P4HA3: variants seen among roughly 807,000 people sequenced by gnomAD.
The protein encoded by P4HA3 is prolyl 4-hydroxylase subunit alpha-3.
P4HA3 carries 60 observed loss-of-function variants against 66.7 expected under a neutral mutation model. The ratio of observed to expected loss-of-function variants is 0.90; its 90% CI spans 0.73 to 1.12. The LOEUF is 1.12. Among genes scored for constraint, P4HA3 ranks in the 50% most tolerant of loss-of-function variants. The pLI, the probability that P4HA3 is intolerant of heterozygous loss-of-function variation, is 0.00. For synonymous variants in P4HA3, 263 were observed against 274.6 expected (o/e 0.96, Z 0.42); for missense variants, 683 against 685.8 (o/e 1.00, Z 0.05).
intron 4 of P4HA3, among the ~76,000 whole-genome samples, chr11:74,294,571 G>C (rs1861149437): frequency 6.6e-6 from 1 of 152,102 alleles, no homozygotes; most frequent in African/African-American, 2.4e-5. Context: ...CCCCATCTTT[G>C]TGGTTTTATC....
Position 74,304,429 on chromosome 11 carries a change from G to C in P4HA3, c.201-17C>G, listed in dbSNP as rs764465743. On this transcript the variant is annotated splice_polypyrimidine_tract_variant and intron_variant, in intron 1 of 12. Coordinates refer to ENST00000331597, the MANE Select transcript of P4HA3 (RefSeq NM_182904.5). ...TCGTAGAATCTGAAAGAAAGGAGTA[G>C]AATGATCTCACCTCCTGATACAACC... The C allele has an allele frequency of 2.1e-5, 34 of 1,613,700 alleles. No individual in the cohort carries two copies. In the South Asian group the frequency reaches 3.3e-4, roughly 16 times the overall value.
Position 74,273,594 on chromosome 11 carries a change from G to T in P4HA3, c.1349C>A (p.Pro450His). ...GTTTCCTGACTTCATTCTGTAGAGG[G>T]GGCTGCTTGGTGACTGAGAAAAAAA... Reference protein sequence around the residue: ...HFDHATSPSSPLYRMKSGNRV... With the variant: ...HFDHATSPSSHLYRMKSGNRV... Residue 450 changes from proline (P) to histidine (H), a missense_variant, in exon 10 of 13, where the codon CCC becomes CAC. By Grantham distance (77) the Pro-to-His change is moderately conservative (BLOSUM62 -2). Coordinates refer to ENST00000331597, the MANE Select transcript of P4HA3 (RefSeq NM_182904.5). 1 of 1,562,804 alleles carries T rather than the reference G, an allele frequency of 6.4e-7. No homozygotes were observed. The highest frequency in any genetic ancestry group is 8.6e-7 in the Non-Finnish European group (1 of 1,159,678).
At chr11:74,257,372 G>A (rs1277306752) in intron 15 of P4HA3, among the ~76,000 whole-genome samples, 4 of 152,106 alleles carry the variant, frequency 2.6e-5, no homozygotes, top group African/African-American at 4.8e-5. Context: ...TGATCTGCCC[G>A]CCTCAGCTTC....
At chr11:74,286,202 CT>C in intron 6 of P4HA3, 25 bp downstream of exon 6, 1 of 1,607,234 alleles carries the variant, frequency 6.2e-7, no homozygotes, top group South Asian at 1.1e-5. Context: ...GCCTCTCCCC[CT>C]TTCTCTTTCC....
intron 9 of P4HA3, among the ~76,000 whole-genome samples, chr11:74,274,678 A>AT (rs1252419718): frequency 6.6e-6 from 1 of 152,000 alleles, no homozygotes; most frequent in African/African-American, 2.4e-5. Flanking sequence ...GTAGAGACAT[A>AT]TTTTCTTTTT....
intron 9 of P4HA3, among the ~76,000 whole-genome samples, chr11:74,274,303 T>TG (rs1294406410): frequency 6.7e-6 from 1 of 148,768 alleles, no homozygotes; most frequent in Non-Finnish European, 1.5e-5. Flanking sequence ...GTTTTTTTTT[T>TG]GTTTTTTTTT....
At chr11:74,295,068 C>T (rs1861170760) in intron 4 of P4HA3, among the ~76,000 whole-genome samples, 1 of 152,182 alleles carries the variant, frequency 6.6e-6, no homozygotes, top group Non-Finnish European at 1.5e-5. Context: ...GCTCCTCCCC[C>T]CGTGCCCTCA....
chr11:74,287,310 A>C (rs1392590391), intron 5 of P4HA3: 2 of 1,289,212 alleles, frequency 1.6e-6, no homozygotes, highest in African/African-American at 3.0e-5. Context: ...GGAGGAAAGG[A>C]AGGGGCAGAA....
intron 8 of P4HA3, among the ~76,000 whole-genome samples, chr11:74,278,855 T>G (rs1356504016): frequency 6.6e-6 from 1 of 151,582 alleles, no homozygotes; most frequent in African/African-American, 2.4e-5. Flanking sequence ...CTGACGTCAC[T>G]GTCTCACATG....
chr11:74,305,527 T>A (rs1215681715), intron 1 of P4HA3, among the ~76,000 whole-genome samples: 2 of 152,132 alleles, frequency 1.3e-5, no homozygotes, highest in Admixed American at 6.5e-5. Context: ...CAGCTGATTA[T>A]GCTATATGGT....
At chr11:74,269,553 C>A in intron 11 of P4HA3, 99 bp downstream of exon 11, 1 of 1,289,938 alleles carries the variant, frequency 7.8e-7, no homozygotes, top group Non-Finnish European at 1.1e-6. Context: ...TTTTGGCCCT[C>A]CTCCCAGGAA....
intron 4 of P4HA3, among the ~76,000 whole-genome samples, chr11:74,296,346 T>C (rs1861211570): frequency 6.6e-6 from 1 of 152,220 alleles, no homozygotes; most frequent in Admixed American, 6.5e-5. Flanking sequence ...TCTCTCATTA[T>C]TAGCAGTTAT....
rs372562058 is a variant in P4HA3 at position 74,271,027 on chromosome 11, C to T, written c.1399-1307G>A. 4.7e-4 allele frequency among the ~76,000 whole-genome samples: 71 copies of T among 152,300 alleles called. 2 individuals carry two copies. In the South Asian group the frequency reaches 0.013, roughly 28 times the overall value. On this transcript the variant is annotated intron_variant, in intron 10 of 12. Coordinates refer to ENST00000331597, the MANE Select transcript of P4HA3 (RefSeq NM_182904.5). ...TCAGCAGTTGCATCACACAAGAGTG[C>T]CAGTTTTACCTCACGCTGCCTAGCA...
chr11:74,262,182 C>T (rs75996434), downstream of P4HA3, among the ~76,000 whole-genome samples: 563 of 152,260 alleles, frequency 3.7e-3, 4 homozygotes, highest in African/African-American at 0.013. Context: ...ACTGTCACCA[C>T]GCAGGCATCT....
At chr11:74,262,665 C>T (rs575611220), downstream of P4HA3, among the ~76,000 whole-genome samples, 63 of 152,312 alleles carry the variant, frequency 4.1e-4, 1 homozygote, top group Admixed American at 2.4e-3. Context: ...AGAGTAGGCA[C>T]ATATGTTTGT....
intron 4 of P4HA3, among the ~76,000 whole-genome samples, chr11:74,293,171 T>C (rs1201380375): frequency 1.3e-5 from 2 of 150,638 alleles, no homozygotes; most frequent in Non-Finnish European, 3.0e-5. Context: ...TAGCTCTTCT[T>C]GTTGAATTGA....
intron 7 of P4HA3, among the ~76,000 whole-genome samples, chr11:74,283,971 T>C (rs1423961726): frequency 2.0e-5 from 3 of 152,242 alleles, no homozygotes; most frequent in Non-Finnish European, 4.4e-5. Context: ...GCACTAAGTT[T>C]CCAAGAGGAA....
chr11:74,272,912 A>G (rs957755439), intron 10 of P4HA3, among the ~76,000 whole-genome samples: 14 of 152,218 alleles, frequency 9.2e-5, no homozygotes, highest in Non-Finnish European at 1.9e-4. Context: ...GGAAGGGGAC[A>G]GGTGAGATGA....
chr11:74,267,408 T>G, intron 12 of P4HA3, 90 bp from the exon 13 acceptor site: 1 of 1,476,562 alleles, frequency 6.8e-7, no homozygotes, highest in Non-Finnish European at 9.2e-7. Context: ...TAGGCGCGTG[T>G]GAGTGCCCCC....
Sources: allele counts gnomAD v4.1 joint callset (sites outside exome capture counted in the v4.1 genomes callset), GRCh38; gene constraint gnomAD v4.1.1; transcripts MANE v1.5; gene names NCBI Gene and HGNC (gene_info 2026-07-23, HGNC 2026-07-21).